The following FSTL3 variants were observed in gnomAD, a reference collection of about 807,000 sequenced individuals.
FSTL3 encodes the protein follistatin-related protein 3.
Under a neutral mutation model 28.1 loss-of-function variants are expected in FSTL3, and 21 were observed. That is an observed-to-expected ratio of 0.75 (90% CI 0.53 to 1.08). The LOEUF (loss-of-function observed/expected upper bound fraction) is 1.08, where lower values mean the gene tolerates loss of function less well. Ranked by LOEUF, FSTL3 falls within the 50% of genes least tolerant of loss-of-function variation. The probability of loss-of-function intolerance (pLI) is 0.00; values close to 1 mark genes in which losing one functional copy is unlikely to be tolerated. For synonymous variants in FSTL3, 199 were observed against 164.2 expected, an observed-to-expected ratio of 1.21 and a Z score of -1.62; for missense variants, 400 against 380.9, an observed-to-expected ratio of 1.05 and a Z score of -0.42.
In FSTL3 at chr19:680,432, G is replaced by A. The variant is rs1394603341; in HGVS notation, c.448G>A (p.Ala150Thr). Residue 150 changes from alanine to threonine, a missense_variant, in exon 3 of 5, where the codon GCC (alanine) becomes ACC (threonine). Transcript: ENST00000166139. ...ATYRDECELR[A>T]ARCRGHPDLS... ...CTACCGCGACGAGTGCGAGCTGCGC[G>A]CCGCGCGCTGCCGCGGCCACCCGGA... 1.5e-5 allele frequency: 19 copies of A among 1,264,998 alleles called. No individual in the cohort carries two copies. The highest frequency in any genetic ancestry group is 1.8e-5 in the Non-Finnish European group (18 of 1,007,564). The allele number at this position is 1,264,998 out of a possible 1,614,324, so 78.4% of individuals were successfully genotyped here.
In FSTL3 at chr19:683,206, G is replaced by A. The variant is rs2031377855; in HGVS notation, c.*1498G>A. 1.3e-5 allele frequency: 3 copies of A among 232,834 alleles called. No individual in the cohort carries two copies. The highest frequency in any genetic ancestry group is 2.6e-5 in the Non-Finnish European group (3 of 117,608). The allele number at this position is 232,834 out of a possible 1,614,324, so 14.4% of individuals were successfully genotyped here. On this transcript the variant is annotated 3_prime_UTR_variant, in exon 5 of 5. Transcript: ENST00000166139. ...AACACGGAGGATATCCAGCTTCCCCGGTCTGGGGTGAGGAATGTGGGGAGC... is the reference window on the plus strand; with the variant it reads ...AACACGGAGGATATCCAGCTTCCCCAGTCTGGGGTGAGGAATGTGGGGAGC...
chr19:682,756 A>G lies in FSTL3; in HGVS notation c.*1048A>G, dbSNP rs2144802751. ...GGAGCAGCCAGCGGCAGCTCAGAGC[A>G]GGGCACTGTGTCCGGCGGAGCCAAG... is the stretch of plus-strand genomic sequence containing the variant. On this transcript the variant is annotated 3_prime_UTR_variant, in exon 5 of 5. Transcript: ENST00000166139. 4.3e-6 allele frequency: 1 copy of G among 233,256 alleles called. No homozygotes were observed. Among genetic ancestry groups the G allele is most frequent in the Non-Finnish European group, 8.5e-6 (1 of 118,058 alleles). 14.4% of individuals were successfully genotyped at this position (233,256 alleles called of 1,614,324 possible).
At position 681,802 on chromosome 19, in the gene FSTL3, A is replaced by G. The variant is rs769231007; in HGVS notation, c.*94A>G. ...AGAGTCTAATTTATATGCCACGGAC[A>G]CTCCTTAGAGCCCGGATTCGGACCA... is the stretch of plus-strand genomic sequence containing the variant. On this transcript the variant is annotated 3_prime_UTR_variant, in exon 5 of 5. Coordinates refer to ENST00000166139, the MANE Select transcript of FSTL3 (RefSeq NM_005860.3). 10 of 1,109,072 alleles carry G rather than the reference A, an allele frequency of 9.0e-6. 1 individual carries two copies. In the South Asian group the frequency reaches 1.3e-4, roughly 15 times the overall value. 68.7% of individuals were successfully genotyped at this position (1,109,072 alleles called of 1,614,324 possible).
Position 682,648 on chromosome 19 carries a change from G to A in FSTL3, c.*940G>A, listed in dbSNP as rs910334060. 4 of 233,532 alleles carry A rather than the reference G, an allele frequency of 1.7e-5. No individual in the cohort carries two copies. The South Asian group carries it at 5.4e-4, about 31-fold the overall frequency. 14.5% of individuals were successfully genotyped at this position (233,532 alleles called of 1,614,324 possible). A position where few individuals can be genotyped will look rare whatever the true frequency, so the allele number is the denominator to read the frequency against. ...ACGGCCTGTGCTCCTGACACGGGCT[G>A]TGCTTGGCCACAGAACCACCCAGCG... On this transcript the variant is annotated 3_prime_UTR_variant, in exon 5 of 5. Transcript: ENST00000166139.
At position 677,918 on chromosome 19, in the gene FSTL3, C is replaced by CG. The variant is rs1221735721; in HGVS notation, c.234dup (p.Asn79GlufsTer94). 1 of 1,613,630 alleles carries CG rather than the reference C, an allele frequency of 6.2e-7. No homozygotes were observed. Among genetic ancestry groups the CG allele is most frequent in the South Asian group, 1.1e-5 (1 of 91,086 alleles). ...ACCGCCTGGTCCAACCTCACCCACC[C>CG]GGGGAACAAGATCAACCTCCTCGGC... On this transcript the variant is annotated frameshift_variant, in exon 2 of 5. Coordinates refer to ENST00000166139, the MANE Select transcript of FSTL3 (RefSeq NM_005860.3). LOFTEE classifies it high-confidence loss of function.
chr19:677,378 G>A (rs977660005), intron 1 of FSTL3, among the ~76,000 whole-genome samples: 59 of 152,128 alleles, frequency 3.9e-4, no homozygotes, highest in African/African-American at 1.3e-3. Context: ...GGGGCTCCGC[G>A]TGCCCTCGCC....
intron 1 of FSTL3, among the ~76,000 whole-genome samples, chr19:676,756 T>G (rs1224170249): frequency 2.6e-5 from 4 of 152,214 alleles, no homozygotes; most frequent in African/African-American, 9.6e-5. Flanking sequence ...TGTCTACCTC[T>G]CCCCTCCCTG....
At position 679,362 on chromosome 19, in the gene FSTL3, C is replaced by T. The variant is rs917229614; in HGVS notation, c.290-912C>T. 5.9e-5 allele frequency among the ~76,000 whole-genome samples: 9 copies of T among 152,296 alleles called. No homozygotes were observed. The South Asian group carries it at 6.2e-4, about 11-fold the overall frequency. ...GGCGCTGGCCATCCCCTAAGGAGTGCCGCACTGCCTTGGAAGTGGGGCTCC... is the reference window on the plus strand; with the variant it reads ...GGCGCTGGCCATCCCCTAAGGAGTGTCGCACTGCCTTGGAAGTGGGGCTCC... On this transcript the variant is annotated intron_variant, in intron 2 of 4. Coordinates refer to ENST00000166139, the MANE Select transcript of FSTL3 (RefSeq NM_005860.3).
intron 3 of FSTL3, 48 bp downstream of exon 3, chr19:680,537 C>T: frequency 9.0e-7 from 1 of 1,112,508 alleles, no homozygotes; most frequent in Non-Finnish European, 1.1e-6. Flanking sequence ...ACCTACCGGA[C>T]CTGCGCGTCA....
At position 683,125 on chromosome 19, in the gene FSTL3, C is replaced by T. The variant is rs1271783052; in HGVS notation, c.*1417C>T. 4.3e-6 allele frequency: 1 copy of T among 233,090 alleles called. No individual in the cohort carries two copies. The highest frequency in any genetic ancestry group is 2.2e-5 in the African/African-American group (1 of 45,316). 14.4% of individuals were successfully genotyped at this position (233,090 alleles called of 1,614,324 possible). ...CTCCATCTGCGTTGATGCTCAGAAT[C>T]GCCTACCTGTGCCTGCGTGTAAACC... On this transcript the variant is annotated 3_prime_UTR_variant, in exon 5 of 5. Transcript: ENST00000166139.
intron 2 of FSTL3, 43 bp from the exon 3 acceptor site, chr19:680,231 A>T: frequency 2.4e-6 from 3 of 1,260,366 alleles, no homozygotes; most frequent in Non-Finnish European, 3.0e-6. Flanking sequence ...CACGCCCGGG[A>T]CCCTCCCGCG....
At chr19:678,050 G>A (rs771466364) in intron 2 of FSTL3, 73 bp downstream of exon 2, 3 of 1,439,704 alleles carry the variant, frequency 2.1e-6, no homozygotes, top group South Asian at 2.5e-5. Context: ...GGTGGTCGAG[G>A]GCCGAACGTC....
In FSTL3 at chr19:682,954, C is replaced by A; in HGVS notation, c.*1246C>A. ...TCCACAGTGGGGTTCACACCCAGGGCTCCTTGGTCCCCCACAACCTGCCCC... is the reference window on the plus strand; with the variant it reads ...TCCACAGTGGGGTTCACACCCAGGGATCCTTGGTCCCCCACAACCTGCCCC... On this transcript the variant is annotated 3_prime_UTR_variant, in exon 5 of 5. Coordinates refer to ENST00000166139, the MANE Select transcript of FSTL3 (RefSeq NM_005860.3). 1 of 233,010 alleles carries A rather than the reference C, an allele frequency of 4.3e-6. No homozygotes were observed. Among genetic ancestry groups the A allele is most frequent in the Non-Finnish European group, 8.5e-6 (1 of 117,920 alleles). The allele number at this position is 233,010 out of a possible 1,614,324, so 14.4% of individuals were successfully genotyped here.
intron 2 of FSTL3, among the ~76,000 whole-genome samples, chr19:679,634 T>C (rs369642932): frequency 2.6e-5 from 4 of 152,294 alleles, no homozygotes; most frequent in East Asian, 1.9e-4. Flanking sequence ...AGCATTCACA[T>C]TGAAAGCGGG....
In FSTL3 at chr19:681,798, G is replaced by A. The variant is rs745536499; in HGVS notation, c.*90G>A. 16 of 1,145,944 alleles carry A rather than the reference G, an allele frequency of 1.4e-5. No individual in the cohort carries two copies. The Admixed American group carries it at 1.8e-4, about 13-fold the overall frequency. The allele number at this position is 1,145,944 out of a possible 1,614,324, so 71.0% of individuals were successfully genotyped here. On this transcript the variant is annotated 3_prime_UTR_variant, in exon 5 of 5. Transcript: ENST00000166139. Reference sequence around the variant, plus strand: ...CAGCAGAGTCTAATTTATATGCCACGGACACTCCTTAGAGCCCGGATTCGG... The same window carrying A: ...CAGCAGAGTCTAATTTATATGCCACAGACACTCCTTAGAGCCCGGATTCGG...
Position 682,134 on chromosome 19 carries a change from G to A in FSTL3, c.*426G>A, listed in dbSNP as rs2031350201. 1.8e-5 allele frequency: 7 copies of A among 380,870 alleles called. No homozygotes were observed. Among genetic ancestry groups the A allele is most frequent in the South Asian group, 1.2e-4 (4 of 33,274 alleles). The allele number at this position is 380,870 out of a possible 1,614,324, so 23.6% of individuals were successfully genotyped here. On this transcript the variant is annotated 3_prime_UTR_variant, in exon 5 of 5. Coordinates refer to ENST00000166139, the MANE Select transcript of FSTL3 (RefSeq NM_005860.3). ...CCAAGCCTCTAGTCTGGGTGTGTAC[G>A]GAGGGTCTAGCCTGGGTGTGTACGG...
Position 681,346 on chromosome 19 carries a change from C to A in FSTL3, c.519C>A (p.His173Gln). The change falls in exon 4 of 5, where the codon CAC becomes CAA. Residue 173 changes from histidine to glutamine, a missense_variant. Coordinates refer to ENST00000166139, the MANE Select transcript of FSTL3 (RefSeq NM_005860.3). ...YRGRCRKSCEHVVCPRPQSCV... is the reference protein window; with the variant it reads ...YRGRCRKSCEQVVCPRPQSCV... ...CCCGGCCTGCAGAGTCCTGTGAGCACGTGGTGTGCCCGCGGCCACAGTCGT... is the reference window on the plus strand; with the variant it reads ...CCCGGCCTGCAGAGTCCTGTGAGCAAGTGGTGTGCCCGCGGCCACAGTCGT... 6.4e-7 allele frequency: 1 copy of A among 1,574,316 alleles called. No individual in the cohort carries two copies. The highest frequency in any genetic ancestry group is 8.6e-7 in the Non-Finnish European group (1 of 1,167,268).
In FSTL3 at chr19:680,436, C is replaced by T; in HGVS notation, c.452C>T (p.Ala151Val). The change falls in exon 3 of 5, where the codon GCG becomes GTG. Residue 151 changes from alanine to valine, a missense_variant. Transcript: ENST00000166139. ...TYRDECELRAARCRGHPDLSV... is the reference protein window; with the variant it reads ...TYRDECELRAVRCRGHPDLSV... Reference sequence around the variant, plus strand: ...CGCGACGAGTGCGAGCTGCGCGCCGCGCGCTGCCGCGGCCACCCGGACCTG... The same window carrying T: ...CGCGACGAGTGCGAGCTGCGCGCCGTGCGCTGCCGCGGCCACCCGGACCTG... The T allele has an allele frequency of 7.9e-7, 1 of 1,264,730 alleles. No individual in the cohort carries two copies. Among genetic ancestry groups the T allele is most frequent in the Non-Finnish European group, 9.9e-7 (1 of 1,007,306 alleles). The allele number at this position is 1,264,730 out of a possible 1,614,324, so 78.3% of individuals were successfully genotyped here.
At chr19:680,519 G>C (rs1600660403) in intron 3 of FSTL3, 30 bp downstream of exon 3, 1 of 1,192,504 alleles carries the variant, frequency 8.4e-7, no homozygotes. Context: ...GTGGAGGGGC[G>C]GGGCGGGACC....
Sources: gnomAD v4.1 joint callset for allele counts (sites outside exome capture counted in the v4.1 genomes callset) on GRCh38, gnomAD v4.1.1 for gene constraint, MANE v1.5 for transcripts, NCBI Gene and HGNC (gene_info 2026-07-23, HGNC 2026-07-21) for gene names.